INSL6: variants seen among roughly 807,000 people sequenced by gnomAD.
The protein encoded by INSL6 is insulin like 6.
INSL6 carries 16 observed loss-of-function variants against 9.4 expected under a neutral mutation model. That is an observed-to-expected ratio of 1.70 (90% confidence interval 1.15 to 2.59). The LOEUF (loss-of-function observed/expected upper bound fraction) is 2.59, where lower values mean the gene tolerates loss of function less well. Among genes scored for constraint, INSL6 ranks in the 30% most tolerant of loss-of-function variants. INSL6 has a pLI of 0.00. For synonymous variants in INSL6, 154 were observed against 96.9 expected (o/e 1.59, Z -3.46); for missense variants, 391 against 257.3 (o/e 1.52, Z -3.56).
chr9:5,013,391 T>C, the INSL6 span, among the ~76,000 whole-genome samples: 1 of 152,248 alleles, frequency 6.6e-6, no homozygotes, highest in Non-Finnish European at 1.5e-5. Flanking sequence ...AAAATGGTTA[T>C]ATCTTGCAAT....
chr9:5,056,890 G>C, the INSL6 span, among the ~76,000 whole-genome samples: 2 of 152,170 alleles, frequency 1.3e-5, no homozygotes, highest in Non-Finnish European at 2.9e-5. Context: ...CAAGGGCACA[G>C]TGTTAGTTAA....
the INSL6 span, among the ~76,000 whole-genome samples, chr9:5,011,282 C>T: frequency 9.9e-5 from 15 of 152,202 alleles, no homozygotes; most frequent in African/African-American, 3.1e-4. Flanking sequence ...AACTCCTGAG[C>T]GCAAGTAATC....
At chr9:5,161,037 A>T (rs1020752848), downstream of INSL6, among the ~76,000 whole-genome samples, 3 of 152,150 alleles carry the variant, frequency 2.0e-5, no homozygotes, top group African/African-American at 7.2e-5. Flanking sequence ...CTCTACTCAA[A>T]CTAATCCAAA....
At chr9:5,031,318 T>C in the INSL6 span, among the ~76,000 whole-genome samples, 1 of 152,174 alleles carries the variant, frequency 6.6e-6, no homozygotes, top group African/African-American at 2.4e-5. Flanking sequence ...TATATGAAAC[T>C]ACAAAATGGT....
chr9:5,176,007 C>A (rs1202386315), intron 1 of INSL6, among the ~76,000 whole-genome samples: 1 of 152,208 alleles, frequency 6.6e-6, no homozygotes, highest in African/African-American at 2.4e-5. Context: ...TTCCATGAAA[C>A]TGGTCCCTGG....
At chr9:5,087,446 T>C in the INSL6 span, among the ~76,000 whole-genome samples, 1 of 134,608 alleles carries the variant, frequency 7.4e-6, no homozygotes, top group Non-Finnish European at 1.6e-5. Context: ...AAGATGAGAT[T>C]TGGGTGAGGA....
the INSL6 span, chr9:5,080,667 C>T: frequency 3.2e-6 from 5 of 1,587,068 alleles, no homozygotes; most frequent in East Asian, 4.5e-5. Flanking sequence ...GAGATCTTAA[C>T]AGTTTGTTTA....
In INSL6 at chr9:5,171,686, G is replaced by C. The variant is rs547439640; in HGVS notation, c.290-7421C>G. 5.9e-5 allele frequency among the ~76,000 whole-genome samples: 9 copies of C among 152,184 alleles called. No individual in the cohort carries two copies. In the South Asian group the frequency reaches 8.3e-4, roughly 14 times the overall value. ...ACGTGCAAAGGTCACACACATTCCT[G>C]TATACCAAGAACAAGAAAGCAGAGA... is the stretch of plus-strand genomic sequence containing the variant. On this transcript the variant is annotated intron_variant, in intron 1 of 1. Coordinates refer to ENST00000381641, the MANE Select transcript of INSL6 (RefSeq NM_007179.3).
chr9:5,167,157 C>A (rs1248711425), intron 1 of INSL6, among the ~76,000 whole-genome samples: 1 of 152,170 alleles, frequency 6.6e-6, no homozygotes, highest in Non-Finnish European at 1.5e-5. Flanking sequence ...CCACACAGGG[C>A]AAAGGGAGCT....
At chr9:5,129,485 C>A (rs750215004) in intron 3 of INSL6, among the ~76,000 whole-genome samples, 4 of 152,004 alleles carry the variant, frequency 2.6e-5, no homozygotes, top group Admixed American at 6.6e-5. Flanking sequence ...ATGAAAGTTT[C>A]TCTAATATTT....
chr9:5,142,603 C>T (rs1473481462), intron 2 of INSL6, among the ~76,000 whole-genome samples: 1 of 152,154 alleles, frequency 6.6e-6, no homozygotes, highest in Non-Finnish European at 1.5e-5. Context: ...AGCTTTTGGG[C>T]TGAGACTATG....
chr9:5,133,396 G>C (rs1456881418), intron 3 of INSL6: 1 of 152,004 alleles, frequency 6.6e-6, no homozygotes, highest in Admixed American at 6.6e-5. Flanking sequence ...AAAAAAAATA[G>C]TTTACACATA....
At chr9:5,154,258 C>T (rs1414429051) in intron 2 of INSL6, among the ~76,000 whole-genome samples, 2 of 152,212 alleles carry the variant, frequency 1.3e-5, no homozygotes, top group Non-Finnish European at 2.9e-5. Flanking sequence ...GTTGGGAAAA[C>T]AGGCTAGTCA....
the INSL6 span, among the ~76,000 whole-genome samples, chr9:4,999,170 C>T: frequency 3.3e-5 from 5 of 152,132 alleles, no homozygotes; most frequent in African/African-American, 7.2e-5. Flanking sequence ...GTACTTCTGA[C>T]GCTGGCCCAA....
downstream of INSL6, among the ~76,000 whole-genome samples, chr9:5,163,391 A>T (rs970276632): frequency 9.8e-5 from 15 of 152,338 alleles, no homozygotes; most frequent in African/African-American, 3.6e-4. Flanking sequence ...TTAAGTTCTC[A>T]GTAGAAATTG....
intron 2 of INSL6, among the ~76,000 whole-genome samples, chr9:5,140,510 T>G (rs915578281): frequency 6.6e-6 from 1 of 152,122 alleles, no homozygotes; most frequent in African/African-American, 2.4e-5. Flanking sequence ...ACCTTCTAAT[T>G]AGTCTTCCTA....
chr9:5,148,159 G>C (rs1403937708), intron 2 of INSL6, among the ~76,000 whole-genome samples: 3 of 152,188 alleles, frequency 2.0e-5, no homozygotes, highest in African/African-American at 7.2e-5. Flanking sequence ...TCATCTGGGA[G>C]AGCTGGTATT....
At position 5,185,459 on chromosome 9, in the gene INSL6, G is replaced by C; in HGVS notation, c.144C>G (p.Ala48=). The change falls in exon 1 of 2, where the codon GCC becomes GCG. Residue 48 remains alanine (A), a synonymous_variant. Transcript: ENST00000381641. ...VKEIEKLCGH[A]NWSQFRFEEE... ...CCTCGAAACGGAACTGGCTCCAGTT[G>C]GCATGGCCGCAGAGTTTTTCTATTT... is the stretch of plus-strand genomic sequence containing the variant. The C allele has an allele frequency of 1.9e-6, 3 of 1,614,158 alleles. No individual in the cohort carries two copies. Among genetic ancestry groups the C allele is most frequent in the Non-Finnish European group, 2.5e-6 (3 of 1,180,034 alleles).
chr9:5,082,915 G>C, the INSL6 span, among the ~76,000 whole-genome samples: 69 of 152,322 alleles, frequency 4.5e-4, no homozygotes, highest in African/African-American at 1.6e-3. Context: ...CAATTGTTCA[G>C]GGTACAGATC....
Sources: gnomAD v4.1 joint callset for allele counts (sites outside exome capture counted in the v4.1 genomes callset) on GRCh38, gnomAD v4.1.1 for gene constraint, MANE v1.5 for transcripts, NCBI Gene and HGNC (gene_info 2026-07-23, HGNC 2026-07-21) for gene names.